CD163L1: variants seen among roughly 807,000 people sequenced by gnomAD.
CD163L1 encodes the protein scavenger receptor cysteine-rich type 1 protein M160.
A neutral mutation model predicts 165.4 loss-of-function variants in CD163L1; 124 were observed. The ratio of observed to expected loss-of-function variants is 0.75; its 90% CI spans 0.65 to 0.87. CD163L1 has a LOEUF of 0.87. Among genes scored for constraint, CD163L1 ranks in the 40% least tolerant of loss-of-function variants. CD163L1 has a pLI of 0.00. For missense variants in CD163L1, 1,525 were observed against 1,799.9 expected (o/e 0.85, Z 2.76); for synonymous variants, 585 against 662.2 (o/e 0.88, Z 1.79).
At chr12:7,392,810 A>G (rs754417849) in intron 8 of CD163L1, among the ~76,000 whole-genome samples, 16 of 152,340 alleles carry the variant, frequency 1.1e-4, no homozygotes, top group Non-Finnish European at 2.1e-4. Context: ...CAAATAAACT[A>G]GAAAATCGAG....
At chr12:7,376,464 A>G (rs1256751711) in intron 9 of CD163L1, among the ~76,000 whole-genome samples, 1 of 152,222 alleles carries the variant, frequency 6.6e-6, no homozygotes, top group Non-Finnish European at 1.5e-5. Context: ...TCTTTGCAGC[A>G]AAGCTACTTA....
chr12:7,389,293 C>A (rs1053546853), intron 8 of CD163L1, among the ~76,000 whole-genome samples: 1 of 152,184 alleles, frequency 6.6e-6, no homozygotes, highest in African/African-American at 2.4e-5. Context: ...TGGACACAAA[C>A]CATTTAACTG....
chr12:7,364,046 A>G (rs1343204188), intron 18 of CD163L1, among the ~76,000 whole-genome samples: 2 of 152,162 alleles, frequency 1.3e-5, no homozygotes, highest in Admixed American at 6.6e-5. Flanking sequence ...TCACCAAAAT[A>G]CTAGCAGACT....
rs776214777 is a variant in CD163L1, at chr12:7,375,950, A to G, written c.2436T>C (p.His812=). 2.5e-6 allele frequency: 4 copies of G among 1,614,248 alleles called. No individual in the cohort carries two copies. In the South Asian group the frequency reaches 4.4e-5, roughly 18 times the overall value. The change falls in exon 10 of 20, where the codon CAT becomes CAC. Residue 812 remains histidine (H), a synonymous_variant. Coordinates refer to ENST00000313599, the MANE Select transcript of CD163L1 (RefSeq NM_174941.6). ...CACAGACAGAGCGCCATGTGTCTGC[A>G]TGTTTCACTTCAACACGTCCAGAGC... ...MPCSGRVEVK[H]ADTWRSVCDS... is the part of the protein sequence containing the mutation.
chr12:7,326,210 T>A, the CD163L1 span, among the ~76,000 whole-genome samples: 8 of 152,094 alleles, frequency 5.3e-5, no homozygotes, highest in African/African-American at 1.7e-4. Context: ...TTGGCTTTGT[T>A]TTGTTTTTTT....
intron 8 of CD163L1, among the ~76,000 whole-genome samples, chr12:7,380,318 C>T (rs978583442): frequency 6.9e-5 from 10 of 144,860 alleles, no homozygotes; most frequent in Admixed American, 3.4e-4. Flanking sequence ...CATATACATA[C>T]ATATATGTAT....
chr12:7,412,065 C>T (rs1253298490), intron 4 of CD163L1, among the ~76,000 whole-genome samples: 11 of 152,130 alleles, frequency 7.2e-5, no homozygotes, highest in Non-Finnish European at 5.9e-5. Context: ...ATAAGTGAGA[C>T]CAAGGAGAAA....
At chr12:7,406,462 T>C in intron 5 of CD163L1, 70 bp downstream of exon 5, 3 of 1,468,406 alleles carry the variant, frequency 2.0e-6, no homozygotes, top group South Asian at 1.2e-5. Context: ...TTGTAACTTT[T>C]TCAGGGTTTG....
At chr12:7,381,485 C>T (rs980715028) in intron 8 of CD163L1, among the ~76,000 whole-genome samples, 1 of 152,058 alleles carries the variant, frequency 6.6e-6, no homozygotes, top group Non-Finnish European at 1.5e-5. Flanking sequence ...CCATTTTAAG[C>T]CTATTTGTTA....
intron 4 of CD163L1, among the ~76,000 whole-genome samples, chr12:7,427,031 C>T (rs1948555792): frequency 6.6e-6 from 1 of 152,026 alleles, no homozygotes; most frequent in Non-Finnish European, 1.5e-5. Context: ...ATATGAGCCC[C>T]TGTCAAAGCA....
At chr12:7,361,197 T>C (rs7953422) in intron 18 of CD163L1, among the ~76,000 whole-genome samples, 31,890 of 152,036 alleles carry the variant, frequency 0.21, 3,838 homozygotes, top group African/African-American at 0.33. Context: ...TGCTTCATTG[T>C]GTATGTTCTG....
At chr12:7,409,408 G>T (rs1000178422) in intron 4 of CD163L1, among the ~76,000 whole-genome samples, 1 of 152,032 alleles carries the variant, frequency 6.6e-6, no homozygotes, top group African/African-American at 2.4e-5. Flanking sequence ...GGGTCGGGGG[G>T]AATGGAGGGG....
intron 8 of CD163L1, among the ~76,000 whole-genome samples, chr12:7,382,033 T>G (rs971237657): frequency 1.4e-5 from 2 of 148,028 alleles, no homozygotes; most frequent in African/African-American, 4.9e-5. Context: ...TATAGAATTG[T>G]TTATATATAA....
downstream of CD163L1, among the ~76,000 whole-genome samples, chr12:7,341,719 C>T (rs1420329211): frequency 6.6e-6 from 1 of 152,004 alleles, no homozygotes; most frequent in African/African-American, 2.4e-5. Flanking sequence ...GGGAAACGAC[C>T]CATTACTATT....
chr12:7,339,202 C>T, the CD163L1 span, among the ~76,000 whole-genome samples: 1 of 152,226 alleles, frequency 6.6e-6, no homozygotes, highest in African/African-American at 2.4e-5. Flanking sequence ...AATTTAAATA[C>T]TTGGAGGACA....
rs1947231983 is a variant in CD163L1 at position 7,374,930 on chromosome 12, G to C, written c.3002-7C>G. The C allele has an allele frequency of 6.2e-7, 1 of 1,613,858 alleles. No individual in the cohort carries two copies. The highest frequency in any genetic ancestry group is 1.7e-5 in the Admixed American group (1 of 60,004). On this transcript the variant is annotated splice_region_variant and splice_polypyrimidine_tract_variant and intron_variant, in intron 11 of 19. Transcript: ENST00000313599. The surrounding 1 kb of genome is among the most constrained non-coding windows in gnomAD (Gnocchi z 5.4). Reference sequence around the variant, plus strand: ...AGTGGCTGGGTCAGGCTTCCTGGTGGAGGGTGCAGGAAATGGGGCAAAAGT... The same window carrying C: ...AGTGGCTGGGTCAGGCTTCCTGGTGCAGGGTGCAGGAAATGGGGCAAAAGT...
intron 8 of CD163L1, among the ~76,000 whole-genome samples, chr12:7,389,962 A>ATATATATATATATT (rs1555197845): frequency 7.1e-6 from 1 of 140,644 alleles, no homozygotes; most frequent in East Asian, 2.1e-4. Flanking sequence ...ATATATATTT[A>ATATATATATATATT]TATATATATA....
At chr12:7,387,706 G>A (rs1232634545) in intron 8 of CD163L1, among the ~76,000 whole-genome samples, 2 of 152,158 alleles carry the variant, frequency 1.3e-5, no homozygotes. Flanking sequence ...TGCTTGTTCA[G>A]TATTCAGACT....
Position 7,400,550 on chromosome 12 carries a change from A to G in CD163L1, c.1409-1966T>C, listed in dbSNP as rs1337792294. Among the ~76,000 whole-genome samples, 1 of 152,096 alleles carries G rather than the reference A, an allele frequency of 6.6e-6. No homozygotes were observed. Among genetic ancestry groups the G allele is most frequent in the Non-Finnish European group, 1.5e-5 (1 of 68,020 alleles). On this transcript the variant is annotated intron_variant, in intron 6 of 19. Transcript: ENST00000313599. This position sits in a 1 kb window ranked among gnomAD's most constrained non-coding sequence, Gnocchi z 4.1. ...TAGACTGGGTTTTGCTATGTTGCCCAGGCTGGAGTGGAGTGGCTATTTACA... is the reference window on the plus strand; with the variant it reads ...TAGACTGGGTTTTGCTATGTTGCCCGGGCTGGAGTGGAGTGGCTATTTACA...
Sources: gnomAD v4.1 joint callset for allele counts (sites outside exome capture counted in the v4.1 genomes callset) on GRCh38, gnomAD v4.1.1 for gene constraint, Gnocchi (gnomAD v3.1) non-coding constraint, MANE v1.5 for transcripts, NCBI Gene and HGNC (gene_info 2026-07-23, HGNC 2026-07-21) for gene names.